STAU2: variants seen among roughly 807,000 people sequenced by gnomAD.
The protein encoded by STAU2 is double-stranded RNA-binding protein Staufen homolog 2.
In STAU2, 20 loss-of-function variants were observed where a neutral mutation model predicts 65.9. The ratio of observed to expected loss-of-function variants is 0.30; its 90% CI spans 0.21 to 0.44. The LOEUF is 0.44. Among genes scored for constraint, STAU2 ranks in the 20% least tolerant of loss-of-function variants. The pLI is 1.00. For synonymous variants in STAU2, 232 were observed against 233.9 expected (o/e 0.99, Z 0.07); for missense variants, 558 against 683.9 (o/e 0.82, Z 2.05).
chr8:73,671,507 G>A (rs1430259839), intron 6 of STAU2, among the ~76,000 whole-genome samples: 2 of 151,926 alleles, frequency 1.3e-5, no homozygotes, highest in Non-Finnish European at 2.9e-5. Context: ...TAAGAAATTA[G>A]TACAAACTTT....
At chr8:73,502,667 A>G (rs1214571982) in intron 13 of STAU2, among the ~76,000 whole-genome samples, 1 of 151,994 alleles carries the variant, frequency 6.6e-6, no homozygotes, top group Non-Finnish European at 1.5e-5. Context: ...TCTGCATAAA[A>G]TTCTCTTTGT....
chr8:73,742,225 T>G (rs1200230894), intron 1 of STAU2: 2 of 984,408 alleles, frequency 2.0e-6, no homozygotes, highest in African/African-American at 1.8e-5. Context: ...TTATACTACC[T>G]TTGGTTTCAT....
chr8:73,617,511 A>C, intron 6 of STAU2, 60 bp from the exon 7 acceptor site: 1 of 1,495,964 alleles, frequency 6.7e-7, no homozygotes, highest in Non-Finnish European at 9.1e-7. Flanking sequence ...ATAATCATTC[A>C]TAAGATTTGT....
At chr8:73,482,675 T>C (rs1450621272) in intron 13 of STAU2, among the ~76,000 whole-genome samples, 1 of 152,150 alleles carries the variant, frequency 6.6e-6, no homozygotes, top group Non-Finnish European at 1.5e-5. Context: ...ATATATACTA[T>C]TAAGAAATTT....
chr8:73,696,741 A>G lies in STAU2; in HGVS notation c.115-7928T>C, dbSNP rs192064234. 2.7e-3 allele frequency among the ~76,000 whole-genome samples: 417 copies of G among 152,338 alleles called. 2 individuals carry two copies. Among genetic ancestry groups the G allele is most frequent in the Middle Eastern group, 6.8e-3 (2 of 294 alleles). On this transcript the variant is annotated intron_variant, in intron 4 of 14. Coordinates refer to ENST00000524300, the MANE Select transcript of STAU2 (RefSeq NM_001164380.2). ...ATGAGGCACACCAAAAACATCTAGA[A>G]AATAGCCTCAAAGGGGCAAATGTAA...
At chr8:73,747,157 T>A, upstream of STAU2, 1 of 473,214 alleles carries the variant, frequency 2.1e-6, no homozygotes, top group East Asian at 3.7e-5. Flanking sequence ...GCTGGGCCCC[T>A]GGGCGAGGGC....
chr8:73,679,321 G>A (rs1042988900), intron 5 of STAU2, among the ~76,000 whole-genome samples: 2 of 152,166 alleles, frequency 1.3e-5, no homozygotes, highest in African/African-American at 4.8e-5. Context: ...ACAGCATGTG[G>A]AGACTCACAG....
chr8:73,519,092 G>A lies in STAU2; in HGVS notation c.1530+32920C>T, dbSNP rs375497390. On this transcript the variant is annotated intron_variant, in intron 13 of 14. Coordinates refer to ENST00000524300, the MANE Select transcript of STAU2 (RefSeq NM_001164380.2). ...GCAGCTCCAGGACCTCCTGGAAGTT[G>A]CCAGCGGCAGTGATTATACCCAATC... Among the ~76,000 whole-genome samples the A allele has an allele frequency of 5.9e-4, 90 of 152,236 alleles. No homozygotes were observed. In the South Asian group the frequency reaches 0.018, roughly 30 times the overall value.
chr8:73,460,912 G>A (rs1819319572), intron 13 of STAU2, among the ~76,000 whole-genome samples: 1 of 152,168 alleles, frequency 6.6e-6, no homozygotes, highest in African/African-American at 2.4e-5. Context: ...ACAAGAACCA[G>A]CTTAAGACCG....
intron 13 of STAU2, among the ~76,000 whole-genome samples, chr8:73,425,165 T>C (rs1816708552): frequency 6.6e-6 from 1 of 152,186 alleles, no homozygotes; most frequent in Non-Finnish European, 1.5e-5. Flanking sequence ...TAACCCCCAG[T>C]ATCTCAGAAT....
chr8:73,561,424 TG>T, intron 12 of STAU2: 1 of 411,386 alleles, frequency 2.4e-6, no homozygotes. Context: ...GTGAGGATAA[TG>T]AGTCATCTTC....
chr8:73,428,480 C>A (rs768181451), intron 13 of STAU2, among the ~76,000 whole-genome samples: 1 of 151,940 alleles, frequency 6.6e-6, no homozygotes, highest in Non-Finnish European at 1.5e-5. Context: ...TAGGTAAATA[C>A]CCAGATGTGA....
At chr8:73,586,428 C>T (rs1810378041) in intron 11 of STAU2, among the ~76,000 whole-genome samples, 1 of 151,976 alleles carries the variant, frequency 6.6e-6, no homozygotes, top group South Asian at 2.1e-4. Context: ...TAGGGGTTTC[C>T]TGTTGGGAGA....
chr8:73,526,379 GAAAC>G (rs1030324291), intron 13 of STAU2, among the ~76,000 whole-genome samples: 4 of 152,274 alleles, frequency 2.6e-5, no homozygotes, highest in Non-Finnish European at 4.4e-5. Flanking sequence ...ATAATGATTG[GAAAC>G]AAACAATGTC....
intron 3 of STAU2, among the ~76,000 whole-genome samples, chr8:73,729,913 T>C (rs1380191695): frequency 6.6e-6 from 1 of 152,210 alleles, no homozygotes; most frequent in Non-Finnish European, 1.5e-5. Flanking sequence ...GTTATACCTA[T>C]CTGTGTTTTT....
At chr8:73,654,660 A>AAAAAAAAAAAAAAAAC (rs1176341683) in intron 6 of STAU2, among the ~76,000 whole-genome samples, 1 of 141,470 alleles carries the variant, frequency 7.1e-6, no homozygotes, top group Non-Finnish European at 1.5e-5. Context: ...AAAAAAAAAA[A>AAAAAAAAAAAAAAAAC]AGAACTCTTT....
chr8:73,636,171 A>G (rs961252550), intron 6 of STAU2, among the ~76,000 whole-genome samples: 4 of 152,170 alleles, frequency 2.6e-5, no homozygotes, highest in African/African-American at 9.7e-5. Flanking sequence ...GCTGGGCAAC[A>G]TAGCAAAACC....
chr8:73,464,323 T>C (rs547175163), intron 13 of STAU2, among the ~76,000 whole-genome samples: 1 of 152,292 alleles, frequency 6.6e-6, no homozygotes, highest in South Asian at 2.1e-4. Flanking sequence ...TGAAGGTCCT[T>C]GCGGCTGCTT....
At chr8:73,629,504 T>TA (rs1049447166) in intron 6 of STAU2, among the ~76,000 whole-genome samples, 3 of 152,182 alleles carry the variant, frequency 2.0e-5, no homozygotes, top group Non-Finnish European at 1.5e-5. Context: ...ACGTATGTTT[T>TA]AAAAAAATTG....
Sources: gnomAD v4.1 joint callset for allele counts (sites outside exome capture counted in the v4.1 genomes callset) on GRCh38, gnomAD v4.1.1 for gene constraint, MANE v1.5 for transcripts, NCBI Gene and HGNC (gene_info 2026-07-23, HGNC 2026-07-21) for gene names.